SMURF2: variants seen among roughly 807,000 people sequenced by gnomAD.
SMURF2 encodes the protein E3 ubiquitin-protein ligase SMURF2.
A neutral mutation model predicts 109.6 loss-of-function variants in SMURF2; 48 were observed. The observed-to-expected ratio is 0.44, with a 90% CI of 0.35 to 0.56. The LOEUF is 0.56. SMURF2 is among the 20% of genes least tolerant of loss of function. The pLI is 0.01. For missense variants in SMURF2, 575 were observed against 909.0 expected, an observed-to-expected ratio of 0.63 and a Z score of 4.72; for synonymous variants, 288 against 317.1, an observed-to-expected ratio of 0.91 and a Z score of 0.97.
At chr17:64,630,776 C>T (rs1568202600) in intron 1 of SMURF2, among the ~76,000 whole-genome samples, 1 of 152,164 alleles carries the variant, frequency 6.6e-6, no homozygotes, top group African/African-American at 2.4e-5. Flanking sequence ...TTCTTGAAGG[C>T]TCCAGCTAAG....
At chr17:64,574,153 A>C (rs1555685848) in intron 9 of SMURF2, among the ~76,000 whole-genome samples, 1 of 152,238 alleles carries the variant, frequency 6.6e-6, no homozygotes, top group Non-Finnish European at 1.5e-5. Context: ...AAAATAAAAA[A>C]TGAACAATTC....
intron 1 of SMURF2, among the ~76,000 whole-genome samples, chr17:64,613,752 G>A (rs1970083630): frequency 7.0e-6 from 1 of 143,692 alleles, no homozygotes; most frequent in African/African-American, 2.6e-5. Flanking sequence ...GTGGAGGGGG[G>A]GCAGAGGGGA....
chr17:64,603,714 A>G (rs1054973620), intron 2 of SMURF2, among the ~76,000 whole-genome samples: 4 of 152,164 alleles, frequency 2.6e-5, no homozygotes, highest in African/African-American at 4.8e-5. Flanking sequence ...TTTCCTGCTA[A>G]AATTCTGGGG....
At chr17:64,631,708 C>T (rs1236366532) in intron 1 of SMURF2, among the ~76,000 whole-genome samples, 1 of 152,132 alleles carries the variant, frequency 6.6e-6, no homozygotes, top group Non-Finnish European at 1.5e-5. Flanking sequence ...TGACATGACC[C>T]TAATTCCACC....
chr17:64,650,425 C>G (rs1203922822), intron 1 of SMURF2, among the ~76,000 whole-genome samples: 1 of 151,928 alleles, frequency 6.6e-6, no homozygotes, highest in Non-Finnish European at 1.5e-5. Context: ...GGCACAAGCA[C>G]AGAGAAAATA....
intron 9 of SMURF2, among the ~76,000 whole-genome samples, chr17:64,576,983 T>A (rs545686480): frequency 6.9e-6 from 1 of 144,972 alleles, no homozygotes; most frequent in African/African-American, 2.5e-5. Context: ...CACTTTAGCC[T>A]CGCGAGCAGC....
At chr17:64,609,430 A>T (rs1555689327) in intron 1 of SMURF2, among the ~76,000 whole-genome samples, 1 of 152,188 alleles carries the variant, frequency 6.6e-6, no homozygotes, top group Non-Finnish European at 1.5e-5. Context: ...AAATATATAG[A>T]CCAATGTAAC....
chr17:64,584,361 C>CTTTTTTTTTTTTTTT (rs372682588), intron 6 of SMURF2, among the ~76,000 whole-genome samples: 3 of 112,754 alleles, frequency 2.7e-5, no homozygotes, highest in African/African-American at 1.1e-4. Flanking sequence ...CTTTTTTTTT[C>CTTTTTTTTTTTTTTT]TTTTTTTTTT....
intron 1 of SMURF2, among the ~76,000 whole-genome samples, chr17:64,614,971 T>C (rs1450738351): frequency 6.6e-6 from 1 of 152,224 alleles, no homozygotes; most frequent in East Asian, 1.9e-4. Flanking sequence ...TTTGCAGAAG[T>C]ACAGATGGCA....
At chr17:64,661,547 T>C (rs1230994238) in intron 1 of SMURF2, among the ~76,000 whole-genome samples, 2 of 152,120 alleles carry the variant, frequency 1.3e-5, no homozygotes, top group East Asian at 3.9e-4. Context: ...GTCTGGCTCC[T>C]TGACCAAGAC....
chr17:64,588,615 G>GT, intron 5 of SMURF2, among the ~76,000 whole-genome samples: 1 of 151,374 alleles, frequency 6.6e-6, no homozygotes, highest in Non-Finnish European at 1.5e-5. Flanking sequence ...TTTTTTGTTT[G>GT]TTTTTTGTTT....
intron 1 of SMURF2, among the ~76,000 whole-genome samples, chr17:64,624,904 A>T (rs1970248509): frequency 6.6e-6 from 1 of 152,280 alleles, no homozygotes; most frequent in South Asian, 2.1e-4. Context: ...TGAGCCATAG[A>T]GGATAAGTGA....
At chr17:64,651,266 G>C (rs1555693485) in intron 1 of SMURF2, among the ~76,000 whole-genome samples, 1 of 150,988 alleles carries the variant, frequency 6.6e-6, no homozygotes, top group African/African-American at 2.4e-5. Flanking sequence ...CCTTTCTTTT[G>C]CCTTGGAGAA....
At chr17:64,655,161 A>G (rs1441649867) in intron 1 of SMURF2, among the ~76,000 whole-genome samples, 1 of 151,952 alleles carries the variant, frequency 6.6e-6, no homozygotes, top group African/African-American at 2.4e-5. Flanking sequence ...TGTAAAAAAC[A>G]TATCATGTTC....
chr17:64,572,880 T>A (rs1178407081), intron 9 of SMURF2: 1 of 152,036 alleles, frequency 6.6e-6, no homozygotes, highest in Non-Finnish European at 1.5e-5. Context: ...CAGTGAAGCT[T>A]CCAAAGTGTG....
intron 1 of SMURF2, among the ~76,000 whole-genome samples, chr17:64,657,407 A>G (rs1304043275): frequency 6.6e-6 from 1 of 152,110 alleles, no homozygotes; most frequent in Non-Finnish European, 1.5e-5. Flanking sequence ...AAAGGCTCAA[A>G]TAGGCCAGGC....
chr17:64,603,762 T>A (rs1324215963), intron 2 of SMURF2, among the ~76,000 whole-genome samples: 1 of 152,122 alleles, frequency 6.6e-6, no homozygotes, highest in Non-Finnish European at 1.5e-5. Context: ...GCCAATAAGC[T>A]TGAAAACAGT....
chr17:64,609,518 G>A (rs561850245), intron 1 of SMURF2, among the ~76,000 whole-genome samples: 9 of 152,102 alleles, frequency 5.9e-5, no homozygotes, highest in African/African-American at 2.2e-4. Flanking sequence ...ACAAGCAATG[G>A]GGGAAAGGAT....
chr17:64,578,724 A>T, intron 8 of SMURF2, 148 bp from the exon 9 acceptor site: 1 of 597,514 alleles, frequency 1.7e-6, no homozygotes, highest in Non-Finnish European at 2.9e-6. Context: ...TTTACAAATC[A>T]TTTGTTCTGT....
Sources: gnomAD v4.1 joint callset for allele counts (sites outside exome capture counted in the v4.1 genomes callset) on GRCh38, gnomAD v4.1.1 for gene constraint, MANE v1.5 for transcripts, NCBI Gene and HGNC (gene_info 2026-07-23, HGNC 2026-07-21) for gene names.